The following HSP90AA1 variants were observed in gnomAD, a reference collection of about 807,000 sequenced individuals.
HSP90AA1 encodes heat shock protein 90 alpha family class A member 1, also known as heat shock protein HSP 90-alpha.
HSP90AA1 carries 18 observed loss-of-function variants against 73.3 expected under a neutral mutation model. The observed-to-expected ratio is 0.25, with a 90% confidence interval of 0.17 to 0.36. The LOEUF (loss-of-function observed/expected upper bound fraction) is 0.36. Ranked by LOEUF, HSP90AA1 falls within the 10% of genes least tolerant of loss-of-function variation. The probability of loss-of-function intolerance (pLI) is 1.00; values close to 1 mark genes in which losing one functional copy is unlikely to be tolerated. For missense variants in HSP90AA1, 704 were observed against 874.2 expected (o/e 0.81, Z 2.45); for synonymous variants, 477 against 296.9 (o/e 1.61, Z -6.24).
intron 1 of HSP90AA1, among the ~76,000 whole-genome samples, chr14:102,131,644 C>T (rs1566737609): frequency 1.3e-5 from 2 of 152,112 alleles, no homozygotes; most frequent in Admixed American, 6.6e-5. Flanking sequence ...TCCCATGGCC[C>T]ACCTCCTTAC....
chr14:102,109,246 C>T (rs1482062085), intron 1 of HSP90AA1, among the ~76,000 whole-genome samples: 1 of 152,180 alleles, frequency 6.6e-6, no homozygotes, highest in Non-Finnish European at 1.5e-5. Context: ...GTCCACTCAG[C>T]ATTAGGTCTG....
intron 2 of HSP90AA1, among the ~76,000 whole-genome samples, chr14:102,092,609 G>C (rs2049373574): frequency 2.6e-5 from 4 of 152,060 alleles, no homozygotes; most frequent in Admixed American, 1.3e-4. Flanking sequence ...TAGGAGGTGG[G>C]GCAGACAGGG....
intron 3 of HSP90AA1, 57 bp downstream of exon 3, chr14:102,085,701 G>A (rs1049253257): frequency 8.6e-5 from 138 of 1,612,236 alleles, no homozygotes; most frequent in Non-Finnish European, 1.1e-4. Flanking sequence ...GGGTCCAAGG[G>A]TTGCAGCACC....
upstream of HSP90AA1, among the ~76,000 whole-genome samples, chr14:102,088,226 C>T (rs967816022): frequency 1.3e-5 from 2 of 152,150 alleles, no homozygotes; most frequent in Admixed American, 6.5e-5. Context: ...TTGGCCAAGG[C>T]CAGCTGTGGG....
At chr14:102,084,085 T>A (rs1407878418) in intron 6 of HSP90AA1, 102 bp from the exon 7 acceptor site, 2 of 936,464 alleles carry the variant, frequency 2.1e-6, no homozygotes, top group East Asian at 5.1e-5. Context: ...ATGGGACGTA[T>A]TTTTGAGACA....
At chr14:102,138,513 T>C (rs924901177) in intron 1 of HSP90AA1, among the ~76,000 whole-genome samples, 1 of 152,338 alleles carries the variant, frequency 6.6e-6, no homozygotes, top group Admixed American at 6.5e-5. Context: ...TTTTTTCTTT[T>C]TTTTTTCCAA....
intron 1 of HSP90AA1, among the ~76,000 whole-genome samples, chr14:102,108,375 C>T (rs1314290875): frequency 1.3e-5 from 2 of 151,486 alleles, no homozygotes; most frequent in East Asian, 1.9e-4. Flanking sequence ...AGCCTTGTGC[C>T]ATGGTGCCTA....
intron 1 of HSP90AA1, among the ~76,000 whole-genome samples, chr14:102,115,679 A>G (rs1595674850): frequency 6.6e-6 from 1 of 152,008 alleles, no homozygotes; most frequent in East Asian, 1.9e-4. Flanking sequence ...CAGGAGGTCA[A>G]GGCTGCAGTG....
intron 2 of HSP90AA1, among the ~76,000 whole-genome samples, chr14:102,094,457 T>C (rs560007964): frequency 6.6e-6 from 1 of 152,220 alleles, no homozygotes; most frequent in South Asian, 2.1e-4. Context: ...TTAGAAACTC[T>C]TGAAGAGTGC....
At chr14:102,116,154 C>T (rs1379227333) in intron 1 of HSP90AA1, among the ~76,000 whole-genome samples, 1 of 152,050 alleles carries the variant, frequency 6.6e-6, no homozygotes, top group African/African-American at 2.4e-5. Context: ...AGGGTTTCAA[C>T]GTGTTAGCCA....
intron 1 of HSP90AA1, among the ~76,000 whole-genome samples, chr14:102,128,079 G>A (rs1015204928): frequency 5.9e-5 from 9 of 152,182 alleles, no homozygotes; most frequent in African/African-American, 1.9e-4. Context: ...ATACTACATG[G>A]GAGGAGGCAG....
At chr14:102,095,326 G>A (rs1383361252) in intron 2 of HSP90AA1, among the ~76,000 whole-genome samples, 1 of 152,078 alleles carries the variant, frequency 6.6e-6, no homozygotes, top group East Asian at 1.9e-4. Context: ...GGGGTGCTTG[G>A]GTGTGGGAGC....
intron 2 of HSP90AA1, among the ~76,000 whole-genome samples, chr14:102,096,711 G>A (rs932255624): frequency 3.9e-5 from 6 of 152,200 alleles, no homozygotes; most frequent in African/African-American, 9.6e-5. Flanking sequence ...GCTTTCCAGC[G>A]GGACCAAATG....
upstream of HSP90AA1, among the ~76,000 whole-genome samples, chr14:102,090,148 TG>T (rs1299471762): frequency 6.6e-6 from 1 of 152,194 alleles, no homozygotes; most frequent in Non-Finnish European, 1.5e-5. Context: ...GCACTCCCCA[TG>T]ACTCGCCCCC....
At chr14:102,123,683 G>C (rs2049807003) in intron 1 of HSP90AA1, among the ~76,000 whole-genome samples, 4 of 151,934 alleles carry the variant, frequency 2.6e-5, no homozygotes, top group Admixed American at 2.0e-4. Flanking sequence ...GATAGTTTAT[G>C]AACATGTTCT....
chr14:102,089,506 C>T (rs979728594), upstream of HSP90AA1, among the ~76,000 whole-genome samples: 6 of 152,256 alleles, frequency 3.9e-5, no homozygotes, highest in African/African-American at 9.6e-5. Flanking sequence ...ACGCCAGCCC[C>T]TGGCTGTTCC....
chr14:102,086,018 G>A lies in HSP90AA1; in HGVS notation c.269C>T (p.Thr90Ile), dbSNP rs373298207. 6.2e-7 allele frequency: 1 copy of A among 1,613,968 alleles called. No homozygotes were observed. The highest frequency in any genetic ancestry group is 8.5e-7 in the Non-Finnish European group (1 of 1,179,868). The change falls in exon 3 of 11, where the codon ACT becomes ATT. Residue 90 changes from threonine (T) to isoleucine (I), a missense_variant. Transcript: ENST00000216281. ...LIPNKQDRTL[T>I]IVDTGIGMTK... is the part of the protein sequence containing the mutation. ...CATTCCAATTCCAGTATCCACAATA[G>A]TGAGAGTTCGATCTTGTTTGTTCGG...
chr14:102,122,771 G>A (rs1011703846), intron 1 of HSP90AA1, among the ~76,000 whole-genome samples: 5 of 150,382 alleles, frequency 3.3e-5, no homozygotes, highest in African/African-American at 1.2e-4. Context: ...GGGTTCGAGC[G>A]ATTCTCCTGT....
intron 1 of HSP90AA1, 69 bp from the exon 2 acceptor site, chr14:102,086,447 G>A (rs1242750162): frequency 4.6e-6 from 7 of 1,526,606 alleles, no homozygotes; most frequent in African/African-American, 2.7e-5. Flanking sequence ...ATTCCATCGC[G>A]TTCTCCAAAT....
Sources: gnomAD v4.1 joint callset for allele counts (sites outside exome capture counted in the v4.1 genomes callset) on GRCh38, gnomAD v4.1.1 for gene constraint, MANE v1.5 for transcripts, NCBI Gene and HGNC (gene_info 2026-07-23, HGNC 2026-07-21) for gene names.